The following RGS7 variants were observed in gnomAD, a reference collection of about 807,000 sequenced individuals.
RGS7 encodes regulator of G protein signaling 7, also known as regulator of G-protein signaling 7.
Under a neutral mutation model 81.1 loss-of-function variants are expected in RGS7, and 27 were observed. The observed-to-expected ratio is 0.33, with a 90% CI of 0.25 to 0.46. RGS7 has a LOEUF of 0.46. Among genes scored for constraint, RGS7 ranks in the 20% least tolerant of loss-of-function variants. The pLI is 1.00. For missense variants in RGS7, 396 were observed against 607.4 expected, an observed-to-expected ratio of 0.65 and a Z score of 3.66; for synonymous variants, 208 against 207.7, an observed-to-expected ratio of 1.00 and a Z score of -0.01.
chr1:241,354,039 G>A (rs193140557), intron 2 of RGS7, among the ~76,000 whole-genome samples: 191 of 152,126 alleles, frequency 1.3e-3, no homozygotes, highest in Middle Eastern at 3.4e-3. Flanking sequence ...TCTTTTAAAG[G>A]GAAACAGAGA....
chr1:240,981,091 C>T (rs933283699), intron 4 of RGS7, among the ~76,000 whole-genome samples: 1 of 151,900 alleles, frequency 6.6e-6, no homozygotes, highest in Non-Finnish European at 1.5e-5. Flanking sequence ...CTGAACTACA[C>T]CTTCAGGTTT....
chr1:241,051,299 C>A lies in RGS7; in HGVS notation c.175+47367G>T, dbSNP rs140647300. ...TTCACAGGTTCTGGAGATAAGGAAA[C>A]AGACATTTTGGAGGGCTGTTATTCT... On this transcript the variant is annotated intron_variant, in intron 3 of 18. Coordinates refer to ENST00000440928, the MANE Select transcript of RGS7 (RefSeq NM_001364886.1). Among the ~76,000 whole-genome samples, 188 of 152,224 alleles carry A rather than the reference C, an allele frequency of 1.2e-3. 1 individual carries two copies. Among genetic ancestry groups the A allele is most frequent in the African/African-American group, 4.4e-3 (183 of 41,538 alleles).
At chr1:241,354,265 AAATAG>A (rs1441094106) in intron 2 of RGS7, among the ~76,000 whole-genome samples, 1 of 152,190 alleles carries the variant, frequency 6.6e-6, no homozygotes, top group Non-Finnish European at 1.5e-5. Flanking sequence ...AACCAACTCT[AAATAG>A]AATAGACAGG....
At chr1:240,897,447 A>G (rs972022066) in intron 6 of RGS7, among the ~76,000 whole-genome samples, 34 of 152,186 alleles carry the variant, frequency 2.2e-4, no homozygotes, top group African/African-American at 8.2e-4. Flanking sequence ...TTATTTTGAG[A>G]TACATCCCAT....
intron 2 of RGS7, among the ~76,000 whole-genome samples, chr1:241,175,074 T>C (rs994096868): frequency 2.6e-5 from 4 of 151,824 alleles, no homozygotes; most frequent in African/African-American, 9.7e-5. Flanking sequence ...GGCTAATTTT[T>C]TGTATTTTTT....
intron 2 of RGS7, among the ~76,000 whole-genome samples, chr1:241,329,358 G>A (rs916214846): frequency 1.6e-4 from 25 of 152,190 alleles, no homozygotes; most frequent in African/African-American, 4.3e-4. Flanking sequence ...AAAGCATTCT[G>A]TCAATAAGAT....
intron 2 of RGS7, among the ~76,000 whole-genome samples, chr1:241,348,451 T>C (rs904933888): frequency 6.6e-6 from 1 of 152,240 alleles, no homozygotes; most frequent in African/African-American, 2.4e-5. Flanking sequence ...GCAACCAGGA[T>C]GCTGATTATT....
At chr1:241,058,366 TG>T (rs1483607271) in intron 3 of RGS7, among the ~76,000 whole-genome samples, 1 of 152,230 alleles carries the variant, frequency 6.6e-6, no homozygotes, top group Admixed American at 6.5e-5. Context: ...GGAAAAGGGA[TG>T]TAAGACACCA....
At chr1:240,799,765 T>C (rs1687732680) in intron 18 of RGS7, among the ~76,000 whole-genome samples, 2 of 152,206 alleles carry the variant, frequency 1.3e-5, no homozygotes, top group South Asian at 4.1e-4. Context: ...GTCTATACTT[T>C]CTACATGGTC....
chr1:241,191,912 T>C (rs2072684285), intron 2 of RGS7, among the ~76,000 whole-genome samples: 2 of 152,220 alleles, frequency 1.3e-5, no homozygotes, highest in South Asian at 2.1e-4. Context: ...CTCACTACCA[T>C]CTAACAGAGA....
chr1:241,312,230 GAAC>G (rs2080575786), intron 2 of RGS7, among the ~76,000 whole-genome samples: 1 of 152,178 alleles, frequency 6.6e-6, no homozygotes, highest in African/African-American at 2.4e-5. Context: ...ATGCACTGGT[GAAC>G]AAAACACAAA....
chr1:240,919,721 G>A (rs967277506), intron 6 of RGS7: 8 of 616,294 alleles, frequency 1.3e-5, no homozygotes, highest in Non-Finnish European at 2.3e-5. Flanking sequence ...GCTGAGCTTT[G>A]AAACAAGGTG....
At chr1:241,249,676 A>G (rs1003244877) in intron 2 of RGS7, among the ~76,000 whole-genome samples, 12 of 152,142 alleles carry the variant, frequency 7.9e-5, no homozygotes, top group African/African-American at 2.9e-4. Context: ...CATACTAATC[A>G]TATCACCTCT....
At chr1:241,190,959 T>C (rs1002121313) in intron 2 of RGS7, among the ~76,000 whole-genome samples, 1 of 152,126 alleles carries the variant, frequency 6.6e-6, no homozygotes, top group East Asian at 1.9e-4. Flanking sequence ...ATGTTCTTTA[T>C]CACGTTGTGA....
At chr1:240,933,220 T>C in intron 5 of RGS7, among the ~76,000 whole-genome samples, 1 of 151,822 alleles carries the variant, frequency 6.6e-6, no homozygotes, top group South Asian at 2.1e-4. Flanking sequence ...GAGTGCATTG[T>C]TCCCTCTGGG....
chr1:240,919,650 C>A, intron 6 of RGS7: 2 of 473,758 alleles, frequency 4.2e-6, no homozygotes, highest in South Asian at 2.8e-5. Flanking sequence ...TCTCCCTGCC[C>A]TCATGCCTAA....
intron 4 of RGS7, among the ~76,000 whole-genome samples, chr1:240,942,617 A>G (rs910063454): frequency 2.0e-5 from 3 of 152,206 alleles, no homozygotes; most frequent in Admixed American, 1.3e-4. Context: ...AGAAAATCTA[A>G]AAAGAAAAAA....
intron 2 of RGS7, among the ~76,000 whole-genome samples, chr1:241,265,828 CT>C (rs1225529310): frequency 1.2e-5 from 1 of 86,674 alleles, no homozygotes; most frequent in African/African-American, 4.5e-5. Flanking sequence ...GAGTTTTGCT[CT>C]TGTTGCCCAG....
At chr1:240,812,223 A>G (rs950862710) in intron 13 of RGS7, among the ~76,000 whole-genome samples, 180 bp from the exon 14 acceptor site, 1 of 152,192 alleles carries the variant, frequency 6.6e-6, no homozygotes, top group African/African-American at 2.4e-5. Context: ...AGTATTAATA[A>G]TAAAGTCTAA....
Sources: gnomAD v4.1 joint callset for allele counts (sites outside exome capture counted in the v4.1 genomes callset) on GRCh38, gnomAD v4.1.1 for gene constraint, MANE v1.5 for transcripts, NCBI Gene and HGNC (gene_info 2026-07-23, HGNC 2026-07-21) for gene names.